Variants in TAFA4 observed in about 807,000 individuals in gnomAD.
TAFA4 encodes chemokine-like protein TAFA-4.
In TAFA4, 20 loss-of-function variants were observed where a neutral mutation model predicts 21.1. That is an observed-to-expected ratio of 0.95 (90% CI 0.67 to 1.38). The LOEUF (loss-of-function observed/expected upper bound fraction) is 1.38. TAFA4 is among the 40% of genes most tolerant of loss of function. The probability of loss-of-function intolerance (pLI) is 0.00; values close to 1 mark genes in which losing one functional copy is unlikely to be tolerated. For synonymous variants in TAFA4, 71 were observed against 67.4 expected (o/e 1.05, Z -0.26); for missense variants, 211 against 180.9 (o/e 1.17, Z -0.95).
At chr3:68,801,534 T>G (rs991898496) in intron 3 of TAFA4, among the ~76,000 whole-genome samples, 1 of 152,204 alleles carries the variant, frequency 6.6e-6, no homozygotes, top group Non-Finnish European at 1.5e-5. Context: ...CTTTTCTTAC[T>G]ACAAATATCT....
At chr3:68,837,632 C>T (rs996804469) in intron 3 of TAFA4, among the ~76,000 whole-genome samples, 5 of 152,072 alleles carry the variant, frequency 3.3e-5, no homozygotes, top group African/African-American at 1.2e-4. Context: ...AAAACAAATA[C>T]CCAAAGGAAA....
intron 1 of TAFA4, among the ~76,000 whole-genome samples, chr3:68,927,010 G>A (rs929190863): frequency 2.6e-5 from 4 of 152,170 alleles, no homozygotes; most frequent in Non-Finnish European, 5.9e-5. Context: ...CTCTACCCAC[G>A]AGAGACTGCT....
intron 4 of TAFA4, among the ~76,000 whole-genome samples, chr3:68,749,522 G>T (rs1469607281): frequency 6.6e-6 from 1 of 152,126 alleles, no homozygotes; most frequent in Non-Finnish European, 1.5e-5. Flanking sequence ...AGATTAAGCA[G>T]GTAAAGCTAA....
At chr3:68,860,489 C>CCTCT (rs891794898) in intron 3 of TAFA4, among the ~76,000 whole-genome samples, 1 of 151,732 alleles carries the variant, frequency 6.6e-6, no homozygotes, top group East Asian at 1.9e-4. Flanking sequence ...TGCTCCTTTT[C>CCTCT]CTCTCTCTCT....
intron 1 of TAFA4, among the ~76,000 whole-genome samples, chr3:68,887,381 C>G (rs1248971407): frequency 6.6e-6 from 1 of 152,090 alleles, no homozygotes; most frequent in African/African-American, 2.4e-5. Flanking sequence ...CTCAGCAGCT[C>G]TCTTGGGTTG....
At chr3:68,881,002 A>G (rs1218885925) in intron 2 of TAFA4, among the ~76,000 whole-genome samples, 157 bp from the exon 3 acceptor site, 1 of 152,226 alleles carries the variant, frequency 6.6e-6, no homozygotes, top group African/African-American at 2.4e-5. Flanking sequence ...CCTTATTTGC[A>G]CTTAGCATTA....
intron 3 of TAFA4, among the ~76,000 whole-genome samples, chr3:68,795,432 G>T (rs907568784): frequency 1.3e-5 from 2 of 151,900 alleles, no homozygotes; most frequent in African/African-American, 4.8e-5. Context: ...ACCTAAGATG[G>T]CCAACGCCTT....
chr3:68,755,798 C>A (rs997266779), intron 3 of TAFA4, among the ~76,000 whole-genome samples: 1 of 152,140 alleles, frequency 6.6e-6, no homozygotes, highest in Non-Finnish European at 1.5e-5. Flanking sequence ...TTGTGCAGGC[C>A]CCTCCCACAT....
At chr3:68,822,719 G>A (rs1392982715) in intron 3 of TAFA4, among the ~76,000 whole-genome samples, 3 of 152,082 alleles carry the variant, frequency 2.0e-5, no homozygotes, top group East Asian at 3.9e-4. Context: ...CCATCCACCC[G>A]CCTCAGCCTC....
chr3:68,791,152 C>T (rs1001055951), intron 3 of TAFA4, among the ~76,000 whole-genome samples: 2 of 152,208 alleles, frequency 1.3e-5, no homozygotes, highest in African/African-American at 4.8e-5. Context: ...GCTCTCTGCA[C>T]AACACAAGTA....
chr3:68,743,835 AGTCTTTCTACT>A (rs1240465962), intron 4 of TAFA4, among the ~76,000 whole-genome samples: 1 of 152,162 alleles, frequency 6.6e-6, no homozygotes, highest in African/African-American at 2.4e-5. Context: ...TCTATCCAGT[AGTCTTTCTACT>A]GTAACACAAT....
chr3:68,837,690 A>T (rs555634403), intron 3 of TAFA4, among the ~76,000 whole-genome samples: 1 of 152,342 alleles, frequency 6.6e-6, no homozygotes, highest in Admixed American at 6.5e-5. Flanking sequence ...TATTATTTTT[A>T]AAAAGTACAC....
chr3:68,849,655 C>A (rs1044501125), intron 3 of TAFA4, among the ~76,000 whole-genome samples: 1 of 152,178 alleles, frequency 6.6e-6, no homozygotes, highest in African/African-American at 2.4e-5. Context: ...ACCAGGTCTG[C>A]CAGAATTCCC....
At chr3:68,828,227 T>C (rs997041014) in intron 3 of TAFA4, among the ~76,000 whole-genome samples, 3 of 152,204 alleles carry the variant, frequency 2.0e-5, no homozygotes, top group Non-Finnish European at 4.4e-5. Flanking sequence ...TTCTGTTCCA[T>C]TGGTCTATAT....
At chr3:68,877,387 G>A (rs770356573) in intron 3 of TAFA4, among the ~76,000 whole-genome samples, 1 of 152,084 alleles carries the variant, frequency 6.6e-6, no homozygotes, top group Non-Finnish European at 1.5e-5. Flanking sequence ...TTAAAATAAA[G>A]TAAAATCTTT....
chr3:68,872,562 C>T (rs2089495500), intron 3 of TAFA4, among the ~76,000 whole-genome samples: 1 of 152,076 alleles, frequency 6.6e-6, no homozygotes, highest in African/African-American at 2.4e-5. Flanking sequence ...TCACAATATT[C>T]CCAACATAAA....
At chr3:68,782,491 C>T (rs934931133) in intron 3 of TAFA4, among the ~76,000 whole-genome samples, 6 of 151,918 alleles carry the variant, frequency 3.9e-5, no homozygotes, top group Non-Finnish European at 5.9e-5. Flanking sequence ...ACAACCCAAA[C>T]GTCTATCAAT....
intron 3 of TAFA4, among the ~76,000 whole-genome samples, chr3:68,790,461 T>C (rs1376730305): frequency 6.6e-6 from 1 of 152,166 alleles, no homozygotes; most frequent in Non-Finnish European, 1.5e-5. Flanking sequence ...GTAAATGATC[T>C]ATGCATACAA....
chr3:68,798,494 ATT>A (rs1703502830), intron 3 of TAFA4, among the ~76,000 whole-genome samples: 1 of 152,204 alleles, frequency 6.6e-6, no homozygotes, highest in African/African-American at 2.4e-5. Context: ...TCTGGACTTA[ATT>A]TTTATAAGAG....
Sources: gnomAD v4.1 joint callset for allele counts (sites outside exome capture counted in the v4.1 genomes callset) on GRCh38, gnomAD v4.1.1 for gene constraint, MANE v1.5 for transcripts, NCBI Gene and HGNC (gene_info 2026-07-23, HGNC 2026-07-21) for gene names.